NR2E1: variants seen among roughly 807,000 people sequenced by gnomAD.
The protein encoded by NR2E1 is nuclear receptor TLX.
Under a neutral mutation model 43.6 loss-of-function variants are expected in NR2E1, and 5 were observed. That is an observed-to-expected ratio of 0.11 (90% CI 0.06 to 0.24). The LOEUF is 0.24. Among genes scored for constraint, NR2E1 ranks in the 10% least tolerant of loss-of-function variants. NR2E1 has a pLI of 1.00. For missense variants in NR2E1, 287 were observed against 496.7 expected, an observed-to-expected ratio of 0.58 and a Z score of 4.01; for synonymous variants, 191 against 195.5, an observed-to-expected ratio of 0.98 and a Z score of 0.19.
chr6:108,171,342 C>T, intron 1 of NR2E1, 116 bp from the exon 2 acceptor site: 1 of 1,144,818 alleles, frequency 8.7e-7, no homozygotes, highest in South Asian at 1.2e-5. Context: ...GGTGCTAATC[C>T]CTTCAGAGGT....
chr6:108,167,658 C>T (rs1001176578), intron 1 of NR2E1, among the ~76,000 whole-genome samples: 1 of 152,158 alleles, frequency 6.6e-6, no homozygotes, highest in Admixed American at 6.5e-5. Context: ...TTTCAGTTCC[C>T]GCCATCCAGT....
chr6:108,173,906 A>G (rs1434397890), intron 2 of NR2E1, among the ~76,000 whole-genome samples: 4 of 152,240 alleles, frequency 2.6e-5, no homozygotes, highest in Non-Finnish European at 5.9e-5. Flanking sequence ...AGAAAATTGC[A>G]TTAGGTAAAC....
chr6:108,172,160 GT>G lies in NR2E1; in HGVS notation c.171+559del, dbSNP rs752967996. On this transcript the variant is annotated intron_variant, in intron 2 of 8. Coordinates refer to ENST00000368986, the MANE Select transcript of NR2E1 (RefSeq NM_003269.5). ...GAAGAGAGGCCGTGCTTTCTGAAGGGTTGTGCATTTTCAACTCTGGAGAAGC... is the reference window on the plus strand; with the variant it reads ...GAAGAGAGGCCGTGCTTTCTGAAGGGTGTGCATTTTCAACTCTGGAGAAGC... 7.2e-5 allele frequency among the ~76,000 whole-genome samples: 11 copies of G among 152,318 alleles called. No homozygotes were observed. The East Asian group carries it at 1.9e-3, about 27-fold the overall frequency.
chr6:108,182,145 G>A (rs1334951299), intron 8 of NR2E1, among the ~76,000 whole-genome samples: 4 of 151,808 alleles, frequency 2.6e-5, no homozygotes, highest in Non-Finnish European at 5.9e-5. Context: ...GGAAGGCTGA[G>A]GCAGGAGAAT....
chr6:108,185,795 T>A (rs1774067576), intron 8 of NR2E1, among the ~76,000 whole-genome samples: 1 of 152,182 alleles, frequency 6.6e-6, no homozygotes, highest in South Asian at 2.1e-4. Flanking sequence ...AAGAATAAAA[T>A]AAGTGGGAGA....
Position 108,169,692 on chromosome 6 carries a change from G to A in NR2E1, c.26-1766G>A, listed in dbSNP as rs1773772634. Among the ~76,000 whole-genome samples, 1 of 152,072 alleles carries A rather than the reference G, an allele frequency of 6.6e-6. No homozygotes were observed. The highest frequency in any genetic ancestry group is 1.5e-5 in the Non-Finnish European group (1 of 68,024). On this transcript the variant is annotated intron_variant, in intron 1 of 8. Transcript: ENST00000368986. This position sits in a 1 kb window ranked among gnomAD's most constrained non-coding sequence, Gnocchi z 6.1. ...CTCCCTTGGGCGCAGTGACAGGCCC[G>A]AAGGAGTGGAGGACAAGACCCGCTG...
chr6:108,183,005 G>A (rs1774017728), intron 8 of NR2E1, among the ~76,000 whole-genome samples: 1 of 152,208 alleles, frequency 6.6e-6, no homozygotes, highest in Admixed American at 6.5e-5. Context: ...CCAGCCTAAA[G>A]AAGCCATCTT....
At position 108,187,411 on chromosome 6, in the gene NR2E1, A is replaced by G. The variant is rs1277553090; in HGVS notation, c.1106A>G (p.Asn369Ser). ...GTGTTTTTCAAAAAAACCATCGGCA[A>G]TGTGCCAATTACAAGACTGCTTTCA... is the stretch of plus-strand genomic sequence containing the variant. The part of the protein sequence containing the change: ...EEVFFKKTIG[N>S]VPITRLLSDM... The change falls in exon 9 of 9, where the codon AAT (asparagine) becomes AGT (serine). Residue 369 changes from asparagine to serine, a missense_variant. By Grantham distance (46) the Asn-to-Ser change is conservative. Coordinates refer to ENST00000368986, the MANE Select transcript of NR2E1 (RefSeq NM_003269.5). The G allele has an allele frequency of 2.5e-6, 4 of 1,614,230 alleles. No homozygotes were observed. In the Admixed American group the frequency reaches 5.0e-5, roughly 20 times the overall value.
rs745484462 is a variant in NR2E1 at position 108,187,406 on chromosome 6, C to T, written c.1101C>T (p.Ile367=). Reference sequence around the variant, plus strand: ...AAGAAGTGTTTTTCAAAAAAACCATCGGCAATGTGCCAATTACAAGACTGC... The same window carrying T: ...AAGAAGTGTTTTTCAAAAAAACCATTGGCAATGTGCCAATTACAAGACTGC... ...TIEEVFFKKT[I]GNVPITRLLS... The change falls in exon 9 of 9, where the codon ATC becomes ATT. Residue 367 remains isoleucine (I), a synonymous_variant. Coordinates refer to ENST00000368986, the MANE Select transcript of NR2E1 (RefSeq NM_003269.5). 62 of 1,614,020 alleles carry T rather than the reference C, an allele frequency of 3.8e-5. No individual in the cohort carries two copies. The highest frequency in any genetic ancestry group is 1.6e-4 in the South Asian group (15 of 91,078).
At position 108,188,502 on chromosome 6, in the gene NR2E1, AACACACACAC is replaced by A. The variant is rs373693807; in HGVS notation, c.*1080_*1089del. 0.028 allele frequency: 3,714 copies of A among 133,040 alleles called. 119 individuals are homozygous for A. Among genetic ancestry groups the A allele is most frequent in the African/African-American group, 0.083 (2,924 of 35,388 alleles). 8.2% of individuals were successfully genotyped at this position (133,040 alleles called of 1,614,324 possible). A position where few individuals can be genotyped will look rare whatever the true frequency, so the allele number is the denominator to read the frequency against. On this transcript the variant is annotated 3_prime_UTR_variant, in exon 9 of 9. Transcript: ENST00000368986. ...CTGGTTTCTAGTAAAGCCTTGAATG[AACACACACAC>A]ACACACACACACACACACACACACA...
At chr6:108,181,508 T>C in intron 7 of NR2E1, 38 bp from the exon 8 acceptor site, 1 of 1,550,478 alleles carries the variant, frequency 6.4e-7, no homozygotes, top group African/African-American at 1.4e-5. Context: ...ATGCAATTTC[T>C]ATGCTGTCTA....
intron 8 of NR2E1, among the ~76,000 whole-genome samples, chr6:108,182,976 C>T (rs1422464050): frequency 2.0e-5 from 3 of 152,172 alleles, no homozygotes; most frequent in Non-Finnish European, 4.4e-5. Context: ...GCTGGGATTA[C>T]AGGCCTGGGC....
chr6:108,176,424 G>T (rs1045427019), intron 3 of NR2E1, 79 bp from the exon 4 acceptor site: 1 of 1,430,260 alleles, frequency 7.0e-7, no homozygotes, highest in Non-Finnish European at 9.7e-7. Context: ...ACATTGGGGC[G>T]GGGCTGGGGG....
rs747439032 is a variant in NR2E1 at position 108,180,916 on chromosome 6, T to C, written c.849T>C (p.Thr283=). ...TTAGACAACTCCGGTTAGATGCTAC[T>C]GAATTTGCCTGTCTAAAATGCATCG... The part of the protein sequence containing the change: ...ARFRQLRLDA[T]EFACLKCIVT... The change falls in exon 7 of 9, where the codon ACT becomes ACC. Residue 283 remains threonine (T), a synonymous_variant. Coordinates refer to ENST00000368986, the MANE Select transcript of NR2E1 (RefSeq NM_003269.5). The surrounding 1 kb of genome is among the most constrained non-coding windows in gnomAD (Gnocchi z 5.4). 3.7e-6 allele frequency: 6 copies of C among 1,614,190 alleles called. No individual in the cohort carries two copies. The highest frequency in any genetic ancestry group is 4.2e-6 in the Non-Finnish European group (5 of 1,180,022).
chr6:108,176,777 C>A lies in NR2E1; in HGVS notation c.495+39C>A, dbSNP rs573965075. ...CTGGGCCCAAAGAGACTCGTGCCAG[C>A]GAATGGAGAGGGACGCACCCAGTTC... On this transcript the variant is annotated intron_variant, in intron 4 of 8. Coordinates refer to ENST00000368986, the MANE Select transcript of NR2E1 (RefSeq NM_003269.5). 110 of 1,519,646 alleles carry A rather than the reference C, an allele frequency of 7.2e-5. No individual in the cohort carries two copies. In the South Asian group the frequency reaches 1.2e-3, roughly 17 times the overall value. 94.1% of individuals were successfully genotyped at this position (1,519,646 alleles called of 1,614,324 possible).
intron 1 of NR2E1, among the ~76,000 whole-genome samples, 166 bp from the exon 2 acceptor site, chr6:108,171,292 G>A (rs1773807224): frequency 6.6e-6 from 1 of 152,080 alleles, no homozygotes; most frequent in Non-Finnish European, 1.5e-5. Context: ...AAAAAGTTTG[G>A]GTATAAAATC....
intron 2 of NR2E1, among the ~76,000 whole-genome samples, chr6:108,173,182 C>T (rs1562403051): frequency 6.6e-6 from 1 of 152,138 alleles, no homozygotes; most frequent in Non-Finnish European, 1.5e-5. Flanking sequence ...GGCGTTTATC[C>T]TTCTCTCTGG....
intron 3 of NR2E1, 182 bp from the exon 4 acceptor site, chr6:108,176,321 T>A: frequency 3.2e-6 from 2 of 620,384 alleles, no homozygotes; most frequent in South Asian, 1.9e-5. Context: ...CTATTCAGTG[T>A]AGTGGTTAGA....
intron 1 of NR2E1, among the ~76,000 whole-genome samples, chr6:108,170,133 C>T (rs889266563): frequency 3.3e-5 from 5 of 152,108 alleles, no homozygotes; most frequent in African/African-American, 1.2e-4. Flanking sequence ...CTCGCCCAGA[C>T]GTTCCACTGC....
Sources: allele counts gnomAD v4.1 joint callset (sites outside exome capture counted in the v4.1 genomes callset), GRCh38; gene constraint gnomAD v4.1.1; non-coding constraint Gnocchi (gnomAD v3.1); transcripts MANE v1.5; gene names NCBI Gene and HGNC (gene_info 2026-07-23, HGNC 2026-07-21).